The following ZNF710 variants were observed in gnomAD, a reference collection of about 807,000 sequenced individuals.
ZNF710 encodes the protein zinc finger protein 710.
ZNF710 carries 13 observed loss-of-function variants against 50.6 expected under a neutral mutation model. That is an observed-to-expected ratio of 0.26 (90% CI 0.17 to 0.41). The LOEUF is 0.41. ZNF710 is among the 10% of genes least tolerant of loss of function. The pLI, the probability that ZNF710 is intolerant of heterozygous loss-of-function variation, is 1.00. For synonymous variants in ZNF710, 383 were observed against 397.0 expected (o/e 0.96, Z 0.42); for missense variants, 721 against 936.6 (o/e 0.77, Z 3.01).
Position 90,040,222 on chromosome 15 carries a change from G to A in ZNF710, c.-28-26888G>A, listed in dbSNP as rs550510795. On this transcript the variant is annotated intron_variant, in intron 1 of 4. Coordinates refer to ENST00000268154, the MANE Select transcript of ZNF710 (RefSeq NM_198526.4). The surrounding 1 kb of genome is among the most constrained non-coding windows in gnomAD (Gnocchi z 4.6). ...ACTGTGGCCACTGCCTCCTCTGCAC[G>A]TAGATCATACCGCCTTTGTTGAGGA... is the stretch of plus-strand genomic sequence containing the variant. Among the ~76,000 whole-genome samples, 2 of 152,322 alleles carry A rather than the reference G, an allele frequency of 1.3e-5. No homozygotes were observed. The highest frequency in any genetic ancestry group is 4.8e-5 in the African/African-American group (2 of 41,578).
intron 1 of ZNF710, among the ~76,000 whole-genome samples, chr15:90,020,112 T>A (rs183603612): frequency 4.1e-4 from 63 of 152,250 alleles, no homozygotes; most frequent in African/African-American, 1.5e-3. Context: ...TTTGATGGAA[T>A]TACTGAGGAA....
chr15:90,022,671 T>C (rs1300831242), intron 1 of ZNF710, among the ~76,000 whole-genome samples: 3 of 152,222 alleles, frequency 2.0e-5, no homozygotes, highest in African/African-American at 7.2e-5. Context: ...TTGGAAATGT[T>C]GACCTGAGAG....
At chr15:90,046,527 G>C (rs1899466984) in intron 1 of ZNF710, among the ~76,000 whole-genome samples, 1 of 152,136 alleles carries the variant, frequency 6.6e-6, no homozygotes, top group Non-Finnish European at 1.5e-5. Flanking sequence ...ATGGAGGGCG[G>C]CAGGAGAAGG....
intron 1 of ZNF710, among the ~76,000 whole-genome samples, chr15:90,008,427 T>TGTGTGTATATATATATAC (rs1491372581): frequency 7.4e-5 from 10 of 135,092 alleles, no homozygotes; most frequent in Non-Finnish European, 1.5e-4. Context: ...TGTGTGTGTG[T>TGTGTGTATATATATATAC]ATATATATAT....
At position 90,068,390 on chromosome 15, in the gene ZNF710, C is replaced by A. The variant is rs754114973; in HGVS notation, c.1253C>A (p.Thr418Asn). 2 of 1,613,514 alleles carry A rather than the reference C, an allele frequency of 1.2e-6. No individual in the cohort carries two copies. Among genetic ancestry groups the A allele is most frequent in the Non-Finnish European group, 1.7e-6 (2 of 1,179,906 alleles). The change falls in exon 2 of 5, where the codon ACC (threonine) becomes AAC (asparagine). Residue 418 changes from threonine to asparagine, a missense_variant. Coordinates refer to ENST00000268154, the MANE Select transcript of ZNF710 (RefSeq NM_198526.4). This position sits in a 1 kb window ranked among gnomAD's most constrained non-coding sequence, Gnocchi z 5.0. ...GTCGAGTGCGGCCTGGACTTCTCCA[C>A]CCTGACCCAGCTCAAGCGCCACCTG... is the stretch of plus-strand genomic sequence containing the variant. ...VCVECGLDFS[T>N]LTQLKRHLAS...
At chr15:90,024,143 A>C (rs1898702764) in intron 1 of ZNF710, among the ~76,000 whole-genome samples, 1 of 152,128 alleles carries the variant, frequency 6.6e-6, no homozygotes, top group African/African-American at 2.4e-5. Flanking sequence ...CCCTTACCTA[A>C]GCCATGCCCA....
At chr15:90,054,483 G>T (rs1009648913) in intron 1 of ZNF710, among the ~76,000 whole-genome samples, 14 of 152,308 alleles carry the variant, frequency 9.2e-5, no homozygotes, top group African/African-American at 3.1e-4. Flanking sequence ...AGAGGGCTGG[G>T]TCTCGGCCCT....
Position 90,067,916 on chromosome 15 carries a change from G to C in ZNF710, c.779G>C (p.Gly260Ala), listed in dbSNP as rs1227487866. ...EASEFEADTA[G>A]STVERHKKAQ... ...AGTGAGTTCGAGGCTGACACGGCGG[G>C]TTCGACCGTGGAACGCCACAAGAAG... The change falls in exon 2 of 5, where the codon GGT becomes GCT. Residue 260 changes from glycine to alanine, a missense_variant. Gly to Ala is a moderately conservative substitution (Grantham distance 60). Coordinates refer to ENST00000268154, the MANE Select transcript of ZNF710 (RefSeq NM_198526.4). This position sits in a 1 kb window ranked among gnomAD's most constrained non-coding sequence, Gnocchi z 8.1. 6.2e-7 allele frequency: 1 copy of C among 1,612,608 alleles called. No homozygotes were observed. Among genetic ancestry groups the C allele is most frequent in the Admixed American group, 1.7e-5 (1 of 60,004 alleles).
intron 4 of ZNF710, among the ~76,000 whole-genome samples, chr15:90,077,178 A>G (rs889449112): frequency 1.5e-4 from 22 of 151,262 alleles, no homozygotes; most frequent in Non-Finnish European, 2.9e-4. Context: ...GGGACCATAG[A>G]CTTAATAAAC....
intron 1 of ZNF710, among the ~76,000 whole-genome samples, chr15:90,065,418 G>T (rs780769603): frequency 2.0e-5 from 3 of 152,196 alleles, no homozygotes; most frequent in Non-Finnish European, 2.9e-5. Flanking sequence ...CAGGGCAAGG[G>T]GTATAGGCCC....
At chr15:89,998,750 A>G (rs1283918387), upstream of ZNF710, among the ~76,000 whole-genome samples, 2 of 152,156 alleles carry the variant, frequency 1.3e-5, no homozygotes, top group African/African-American at 2.4e-5. Context: ...TTTTATCCCT[A>G]TTTTACAGAA....
chr15:90,056,282 C>T (rs780105600), intron 1 of ZNF710, among the ~76,000 whole-genome samples: 7 of 151,336 alleles, frequency 4.6e-5, no homozygotes, highest in African/African-American at 4.9e-5. Context: ...GCCGTGGTGG[C>T]GCATGCCTGT....
intron 4 of ZNF710, among the ~76,000 whole-genome samples, chr15:90,078,963 C>G (rs1052954759): frequency 1.3e-5 from 2 of 152,198 alleles, no homozygotes; most frequent in Admixed American, 6.5e-5. Context: ...TAAGGGGCCT[C>G]TTAGGAGTTT....
chr15:90,008,451 T>TGTAC (rs1898207497), intron 1 of ZNF710, among the ~76,000 whole-genome samples: 3 of 140,570 alleles, frequency 2.1e-5, no homozygotes, highest in African/African-American at 8.8e-5. Context: ...CATATATATA[T>TGTAC]ATGTATATAT....
Position 90,067,086 on chromosome 15 carries a change from T to C in ZNF710, c.-28-24T>C. 1 of 1,538,456 alleles carries C rather than the reference T, an allele frequency of 6.5e-7. No homozygotes were observed. Among genetic ancestry groups the C allele is most frequent in the Non-Finnish European group, 8.8e-7 (1 of 1,142,768 alleles). On this transcript the variant is annotated intron_variant, in intron 1 of 4. Transcript: ENST00000268154. The surrounding 1 kb of genome is among the most constrained non-coding windows in gnomAD (Gnocchi z 8.1). ...CTGTGCAGGAGTGAGCCAGCAATAT[T>C]AACCTTCCCTTCTCCACCCACAGCG...
intron 1 of ZNF710, among the ~76,000 whole-genome samples, chr15:90,058,121 G>C (rs934678001): frequency 1.3e-5 from 2 of 152,168 alleles, no homozygotes; most frequent in Non-Finnish European, 2.9e-5. Flanking sequence ...GATCAAGAGA[G>C]CGAGGGTTGT....
At chr15:90,037,243 C>T (rs1899155171) in intron 1 of ZNF710, among the ~76,000 whole-genome samples, 1 of 152,244 alleles carries the variant, frequency 6.6e-6, no homozygotes, top group Non-Finnish European at 1.5e-5. Context: ...GTTTAGCTCT[C>T]CAACCCTTCT....
intron 1 of ZNF710, among the ~76,000 whole-genome samples, chr15:90,051,478 C>T (rs2151507830): frequency 6.6e-6 from 1 of 151,922 alleles, no homozygotes; most frequent in Non-Finnish European, 1.5e-5. Flanking sequence ...ACTAAAAATA[C>T]AAAAATTAGC....
At chr15:90,033,769 A>C (rs1899019482) in intron 1 of ZNF710, among the ~76,000 whole-genome samples, 1 of 152,116 alleles carries the variant, frequency 6.6e-6, no homozygotes, top group Admixed American at 6.5e-5. Context: ...CCTGGGGAGA[A>C]ACTCCTTGAT....
Sources: allele counts gnomAD v4.1 joint callset (sites outside exome capture counted in the v4.1 genomes callset), GRCh38; gene constraint gnomAD v4.1.1; non-coding constraint Gnocchi (gnomAD v3.1); transcripts MANE v1.5; gene names NCBI Gene and HGNC (gene_info 2026-07-23, HGNC 2026-07-21).